Variants in ANO4 observed in about 807,000 individuals in gnomAD.
The protein encoded by ANO4 is anoctamin 4.
A neutral mutation model predicts 141.9 loss-of-function variants in ANO4; 69 were observed. The observed-to-expected ratio is 0.49, with a 90% CI of 0.40 to 0.59. The LOEUF (loss-of-function observed/expected upper bound fraction) is 0.59, where lower values mean the gene tolerates loss of function less well. ANO4 is among the 20% of genes least tolerant of loss of function. The probability of loss-of-function intolerance (pLI) is 0.00; values close to 1 mark genes in which losing one functional copy is unlikely to be tolerated. For synonymous variants in ANO4, 350 were observed against 394.3 expected (o/e 0.89, Z 1.33); for missense variants, 894 against 1,162.2 (o/e 0.77, Z 3.36).
chr12:100,837,860 G>T (rs2037022209), intron 1 of ANO4, among the ~76,000 whole-genome samples: 1 of 152,046 alleles, frequency 6.6e-6, no homozygotes, highest in Non-Finnish European at 1.5e-5. Flanking sequence ...TTTCAAGTCA[G>T]CATGAGGTTG....
chr12:101,113,672 A>G (rs1187222545), intron 24 of ANO4, among the ~76,000 whole-genome samples: 1 of 152,180 alleles, frequency 6.6e-6, no homozygotes, highest in Non-Finnish European at 1.5e-5. Flanking sequence ...GAAATGCTTT[A>G]GAAATTATTG....
At chr12:100,778,648 A>T (rs2033613385) in intron 3 of ANO4, among the ~76,000 whole-genome samples, 1 of 152,204 alleles carries the variant, frequency 6.6e-6, no homozygotes, top group Non-Finnish European at 1.5e-5. Flanking sequence ...GTGCTTTGGG[A>T]CAGTTAATGT....
intron 14 of ANO4, among the ~76,000 whole-genome samples, chr12:101,055,732 T>G (rs1452692473): frequency 2.0e-5 from 3 of 152,174 alleles, no homozygotes; most frequent in Non-Finnish European, 4.4e-5. Flanking sequence ...TTATGAAATC[T>G]TTGCCAAACT....
At chr12:100,824,498 A>C (rs1305918895) in intron 1 of ANO4, among the ~76,000 whole-genome samples, 1 of 152,068 alleles carries the variant, frequency 6.6e-6, no homozygotes, top group Non-Finnish European at 1.5e-5. Flanking sequence ...CAGATTTTCT[A>C]AATATCAGTT....
At chr12:100,791,987 G>A (rs1405326697), upstream of ANO4, among the ~76,000 whole-genome samples, 5 of 151,610 alleles carry the variant, frequency 3.3e-5, no homozygotes, top group African/African-American at 1.2e-4. Context: ...CCATTAATTG[G>A]CAGAAAGTTA....
At position 101,040,033 on chromosome 12, in the gene ANO4, T is replaced by A. The variant is rs1414201197; in HGVS notation, c.976T>A (p.Ser326Thr). The change falls in exon 11 of 28, where the codon TCC (serine) becomes ACC (threonine). Residue 326 changes from serine (S) to threonine (T), a missense_variant. Around this residue, in one of 2 missense-constraint regions of ANO4, gnomAD observed 637 missense variants for 909.2 expected, o/e 0.70. Coordinates refer to ENST00000392977, the MANE Select transcript of ANO4 (RefSeq NM_001286615.2). ...ACATCTACTCTATGAGTGCTGGGCC[T>A]CCTGGGGCGTGTGGTATAAATACCA... Reference protein sequence around the residue: ...HRHLLYECWASWGVWYKYQPL... With the variant: ...HRHLLYECWATWGVWYKYQPL... 6.2e-7 allele frequency: 1 copy of A among 1,613,214 alleles called. No individual in the cohort carries two copies. The highest frequency in any genetic ancestry group is 1.7e-5 in the Admixed American group (1 of 60,006).
At chr12:100,725,305 G>A (rs1193020071) in intron 1 of ANO4, among the ~76,000 whole-genome samples, 3 of 150,378 alleles carry the variant, frequency 2.0e-5, no homozygotes, top group Non-Finnish European at 4.4e-5. Context: ...CTTTACCTCA[G>A]CTTCTAGTCC....
At chr12:100,862,338 T>C (rs759852591) in intron 1 of ANO4, among the ~76,000 whole-genome samples, 100 of 152,324 alleles carry the variant, frequency 6.6e-4, no homozygotes, top group Admixed American at 1.4e-3. Flanking sequence ...ATTATTATTA[T>C]TTGAGACGGA....
rs190816399 is a variant in ANO4 at position 100,918,913 on chromosome 12, C to A, written c.56-3313C>A. ...GGTGAGAGCTCCATTCATGTTATTG[C>A]CCCTAAGACCTTCCAGTGGAATAAG... On this transcript the variant is annotated intron_variant, in intron 2 of 27. Coordinates refer to ENST00000392977, the MANE Select transcript of ANO4 (RefSeq NM_001286615.2). Among the ~76,000 whole-genome samples the A allele has an allele frequency of 3.3e-5, 5 of 152,088 alleles. No individual in the cohort carries two copies. In the East Asian group the frequency reaches 9.7e-4, roughly 29 times the overall value.
intron 1 of ANO4, among the ~76,000 whole-genome samples, chr12:100,882,695 GT>G (rs1330214879): frequency 6.6e-6 from 1 of 151,602 alleles, no homozygotes; most frequent in Admixed American, 6.6e-5. Context: ...TTTGTTTTTT[GT>G]TTTTTTGTTT....
At chr12:100,750,721 T>C (rs551938969) in intron 3 of ANO4, among the ~76,000 whole-genome samples, 1 of 152,314 alleles carries the variant, frequency 6.6e-6, no homozygotes, top group South Asian at 2.1e-4. Context: ...TATGCCCTGT[T>C]ACAGGAATAT....
chr12:100,826,994 C>G lies in ANO4; in HGVS notation c.-141+31967C>G, dbSNP rs567440920. Among the ~76,000 whole-genome samples the G allele has an allele frequency of 8.6e-5, 13 of 151,984 alleles. 1 individual carries two copies. ...TCCCTGTAATGGACTTCTAACTGGC[C>G]GTCCTACTTATGTCCTTCTACTTCC... On this transcript the variant is annotated intron_variant, in intron 1 of 27. Coordinates refer to ENST00000392977, the MANE Select transcript of ANO4 (RefSeq NM_001286615.2).
At chr12:100,733,664 T>C in intron 1 of ANO4, 2 of 606,502 alleles carry the variant, frequency 3.3e-6, no homozygotes, top group Non-Finnish European at 5.9e-6. Context: ...AGACTACCCG[T>C]GTCATAGACA....
chr12:100,909,509 A>G (rs946072897), intron 2 of ANO4, among the ~76,000 whole-genome samples: 3 of 152,228 alleles, frequency 2.0e-5, no homozygotes, highest in Non-Finnish European at 4.4e-5. Context: ...CTACAGGGAC[A>G]TGTGCTTAAG....
At chr12:101,013,735 T>TA (rs2046200097) in intron 8 of ANO4, among the ~76,000 whole-genome samples, 1 of 152,246 alleles carries the variant, frequency 6.6e-6, no homozygotes, top group African/African-American at 2.4e-5. Flanking sequence ...GCTCAATAGT[T>TA]ACATGAGTAC....
At chr12:100,982,045 A>G (rs17030838) in intron 7 of ANO4, among the ~76,000 whole-genome samples, 20,542 of 152,158 alleles carry the variant, frequency 0.14, 1,564 homozygotes, top group East Asian at 0.22. Flanking sequence ...AATCTCACCT[A>G]TCATGAATCA....
chr12:101,059,234 C>T (rs1226995977), intron 14 of ANO4, among the ~76,000 whole-genome samples: 2 of 152,160 alleles, frequency 1.3e-5, no homozygotes, highest in East Asian at 3.8e-4. Flanking sequence ...GGTGGATAAG[C>T]TTTTTGATGT....
chr12:101,099,708 T>C lies in ANO4; in HGVS notation c.2137T>C (p.Tyr713His). The C allele has an allele frequency of 6.4e-7, 1 of 1,567,608 alleles. No homozygotes were observed. The highest frequency in any genetic ancestry group is 2.2e-5 in the Admixed American group (1 of 46,152). The change falls in exon 22 of 28, where the codon TAC becomes CAC. Residue 713 changes from tyrosine to histidine, a missense_variant. Physicochemically the swap from Tyr to His is moderately conservative, Grantham distance 83. Coordinates refer to ENST00000392977, the MANE Select transcript of ANO4 (RefSeq NM_001286615.2). ...PMNAYGLFDE[Y>H]LEMILQFGFT... ...GAATGCCTATGGACTCTTCGATGAA[T>C]ACTTAGAAATGAGTATGGAAATATT...
intron 5 of ANO4, among the ~76,000 whole-genome samples, chr12:100,959,775 C>T (rs192639462): frequency 6.6e-6 from 1 of 152,258 alleles, no homozygotes; most frequent in Non-Finnish European, 1.5e-5. Context: ...ACCTTCTCTT[C>T]TGTTTGATCT....
Sources: allele counts gnomAD v4.1 joint callset (sites outside exome capture counted in the v4.1 genomes callset), GRCh38; gene constraint gnomAD v4.1.1; regional missense constraint gnomAD v4.1.1; transcripts MANE v1.5; gene names NCBI Gene and HGNC (gene_info 2026-07-23, HGNC 2026-07-21).